Variants in ST6GALNAC3 observed in about 807,000 individuals in gnomAD.
ST6GALNAC3 encodes the protein ST6 N-acetylgalactosaminide alpha-2,6-sialyltransferase 3.
Under a neutral mutation model 32.7 loss-of-function variants are expected in ST6GALNAC3, and 25 were observed. That is an observed-to-expected ratio of 0.76 (90% CI 0.56 to 1.07). ST6GALNAC3 has a LOEUF of 1.07. Among genes scored for constraint, ST6GALNAC3 ranks in the 50% least tolerant of loss-of-function variants. ST6GALNAC3 has a pLI of 0.00. For synonymous variants in ST6GALNAC3, 129 were observed against 133.1 expected (o/e 0.97, Z 0.21); for missense variants, 355 against 382.4 (o/e 0.93, Z 0.60).
chr1:76,417,225 CTT>C (rs548202073), intron 3 of ST6GALNAC3, among the ~76,000 whole-genome samples: 6 of 127,990 alleles, frequency 4.7e-5, no homozygotes, highest in African/African-American at 8.5e-5. Flanking sequence ...TTCTTTCTTT[CTT>C]TTTTTTTTTT....
At chr1:76,095,996 T>G (rs1052064892) in intron 1 of ST6GALNAC3, among the ~76,000 whole-genome samples, 1 of 152,166 alleles carries the variant, frequency 6.6e-6, no homozygotes, top group Non-Finnish European at 1.5e-5. Flanking sequence ...TTCCCTCACC[T>G]GTGGGGATGG....
chr1:76,376,897 T>G (rs1182608061), intron 2 of ST6GALNAC3, among the ~76,000 whole-genome samples: 3 of 152,190 alleles, frequency 2.0e-5, no homozygotes, highest in Non-Finnish European at 2.9e-5. Flanking sequence ...TTTGAGTCTA[T>G]CATTTTGAAT....
intron 1 of ST6GALNAC3, among the ~76,000 whole-genome samples, chr1:76,181,213 CCT>C (rs1365852836): frequency 6.6e-6 from 1 of 152,166 alleles, no homozygotes; most frequent in Non-Finnish European, 1.5e-5. Context: ...AGGGAACCCC[CCT>C]GTTTCACCGT....
intron 3 of ST6GALNAC3, among the ~76,000 whole-genome samples, chr1:76,533,340 A>G (rs951049987): frequency 3.7e-4 from 2 of 5,394 alleles, no homozygotes; most frequent in Non-Finnish European, 9.8e-4. Context: ...ATTCCCACAA[A>G]CAAACACCAC....
intron 1 of ST6GALNAC3, among the ~76,000 whole-genome samples, chr1:76,195,185 T>C (rs866866893): frequency 8.5e-5 from 13 of 152,234 alleles, no homozygotes; most frequent in Non-Finnish European, 1.9e-4. Flanking sequence ...TAGTTGTTTT[T>C]CTTAAAGTGT....
rs1247017526 is a variant in ST6GALNAC3 at position 76,630,648 on chromosome 1, T to A, written c.*1842T>A. The A allele has an allele frequency of 3.0e-6, 3 of 985,564 alleles. No homozygotes were observed. In the African/African-American group the frequency reaches 5.2e-5, roughly 17 times the overall value. 61.1% of individuals were successfully genotyped at this position (985,564 alleles called of 1,614,324 possible). On this transcript the variant is annotated 3_prime_UTR_variant, in exon 5 of 5. Transcript: ENST00000328299. Reference sequence around the variant, plus strand: ...TGCTAAGTATTATGGTGAGCTATCATTAAAGTGTGCCATCTTGGATAAAGG... The same window carrying A: ...TGCTAAGTATTATGGTGAGCTATCAATAAAGTGTGCCATCTTGGATAAAGG...
chr1:76,457,776 A>C (rs1304415642), intron 3 of ST6GALNAC3, among the ~76,000 whole-genome samples: 1 of 152,028 alleles, frequency 6.6e-6, no homozygotes, highest in Non-Finnish European at 1.5e-5. Flanking sequence ...AAAACCATAA[A>C]AACCCTAGAA....
At chr1:76,385,403 G>T (rs564237359) in intron 2 of ST6GALNAC3, among the ~76,000 whole-genome samples, 2 of 152,188 alleles carry the variant, frequency 1.3e-5, no homozygotes, top group African/African-American at 4.8e-5. Context: ...CGATGTAGTG[G>T]TTAAGGACAC....
At chr1:76,197,564 A>G (rs1654276362) in intron 1 of ST6GALNAC3, among the ~76,000 whole-genome samples, 1 of 152,230 alleles carries the variant, frequency 6.6e-6, no homozygotes, top group Non-Finnish European at 1.5e-5. Context: ...AGGTAAAGAA[A>G]GCAGGCAAAA....
chr1:76,462,686 A>C (rs1341038007), intron 3 of ST6GALNAC3, among the ~76,000 whole-genome samples: 1 of 152,182 alleles, frequency 6.6e-6, no homozygotes, highest in Non-Finnish European at 1.5e-5. Flanking sequence ...GACATCATTT[A>C]AGACAGTGAA....
intron 1 of ST6GALNAC3, among the ~76,000 whole-genome samples, chr1:76,200,026 T>C (rs1198107458): frequency 1.3e-5 from 2 of 152,180 alleles, no homozygotes; most frequent in Non-Finnish European, 2.9e-5. Flanking sequence ...CAAAATTAAA[T>C]TTGTAGTGGG....
At chr1:76,171,814 CA>C (rs752151797) in intron 1 of ST6GALNAC3, among the ~76,000 whole-genome samples, 5,240 of 56,846 alleles carry the variant, frequency 0.092, 103 homozygotes, top group Non-Finnish European at 0.15. Flanking sequence ...ACCAAAACAA[CA>C]ACAAAAAAAA....
intron 1 of ST6GALNAC3, among the ~76,000 whole-genome samples, chr1:76,084,260 T>C (rs1205329596): frequency 2.0e-5 from 3 of 152,246 alleles, no homozygotes; most frequent in Non-Finnish European, 4.4e-5. Context: ...GAGCAAGTAA[T>C]GAGTGCCTGA....
At chr1:76,604,560 G>A (rs554276225) in intron 3 of ST6GALNAC3, among the ~76,000 whole-genome samples, 19 of 152,206 alleles carry the variant, frequency 1.2e-4, no homozygotes, top group South Asian at 6.2e-4. Flanking sequence ...GCTCATTCCT[G>A]TTCCTCTTCT....
chr1:76,393,183 A>G (rs937285045), intron 2 of ST6GALNAC3, among the ~76,000 whole-genome samples: 1 of 152,194 alleles, frequency 6.6e-6, no homozygotes, highest in Non-Finnish European at 1.5e-5. Flanking sequence ...CTTTATTTCT[A>G]AGAAACAAAA....
chr1:76,527,624 A>ATGCTAATAGGCAATCAG (rs1662994580), intron 3 of ST6GALNAC3, among the ~76,000 whole-genome samples: 1 of 152,110 alleles, frequency 6.6e-6, no homozygotes, highest in African/African-American at 2.4e-5. Context: ...AGACACTGTC[A>ATGCTAATAGGCAATCAG]AGTCTCTTTA....
intron 2 of ST6GALNAC3, among the ~76,000 whole-genome samples, chr1:76,339,241 A>T (rs368130147): frequency 1.3e-5 from 2 of 152,120 alleles, no homozygotes; most frequent in African/African-American, 2.4e-5. Flanking sequence ...AAAAGGGAAG[A>T]TTCCCCTGAA....
rs540206332 is a variant in ST6GALNAC3 at position 76,419,156 on chromosome 1, A to G, written c.623+6739A>G. Among the ~76,000 whole-genome samples the G allele has an allele frequency of 3.3e-5, 5 of 152,260 alleles. No homozygotes were observed. In the East Asian group the frequency reaches 9.7e-4, roughly 29 times the overall value. On this transcript the variant is annotated intron_variant, in intron 3 of 4. Coordinates refer to ENST00000328299, the MANE Select transcript of ST6GALNAC3 (RefSeq NM_152996.4). ...GAGCAACATCTCAAGTTCAGTGATCATATTTTAAAGCAAAAAGCTGTGCAG... is the reference window on the plus strand; with the variant it reads ...GAGCAACATCTCAAGTTCAGTGATCGTATTTTAAAGCAAAAAGCTGTGCAG...
chr1:76,630,453 G>T lies in ST6GALNAC3; in HGVS notation c.*1647G>T, dbSNP rs1334017708. ...AGACAATTCTATTTTTCATATACTC[G>T]TTGCTCATTAAATAGTAAAGGGTTG... On this transcript the variant is annotated 3_prime_UTR_variant, in exon 5 of 5. Transcript: ENST00000328299. The T allele has an allele frequency of 2.0e-6, 2 of 984,900 alleles. No homozygotes were observed. Among genetic ancestry groups the T allele is most frequent in the Non-Finnish European group, 2.4e-6 (2 of 829,786 alleles). 61.0% of individuals were successfully genotyped at this position (984,900 alleles called of 1,614,324 possible).
Sources: gnomAD v4.1 joint callset for allele counts (sites outside exome capture counted in the v4.1 genomes callset) on GRCh38, gnomAD v4.1.1 for gene constraint, MANE v1.5 for transcripts, NCBI Gene and HGNC (gene_info 2026-07-23, HGNC 2026-07-21) for gene names.